Variants in VGLL2 observed in about 807,000 individuals in gnomAD.
VGLL2 encodes transcription cofactor vestigial-like protein 2.
Under a neutral mutation model 27.0 loss-of-function variants are expected in VGLL2, and 18 were observed. The observed-to-expected ratio is 0.67, with a 90% CI of 0.46 to 0.99. The LOEUF (loss-of-function observed/expected upper bound fraction) is 0.99, where lower values mean the gene tolerates loss of function less well. VGLL2 is among the 50% of genes least tolerant of loss of function. The probability of loss-of-function intolerance (pLI) is 0.00; values close to 1 mark genes in which losing one functional copy is unlikely to be tolerated. For synonymous variants in VGLL2, 220 were observed against 201.1 expected, an observed-to-expected ratio of 1.09 and a Z score of -0.80; for missense variants, 491 against 452.3, an observed-to-expected ratio of 1.09 and a Z score of -0.78.
rs551063658 is a variant in VGLL2, at chr6:117,270,793, C to A, written c.642C>A (p.Leu214=). Residue 214 remains leucine, a synonymous_variant, in exon 3 of 4, where the codon CTC becomes CTA. Transcript: ENST00000326274. ...ACCCCTACGCCCTGGGCGGCGCCCT[C>A]GGCGCCCAGGCCGCCCCCTACCCGC... The part of the protein sequence containing the change: ...PHHPYALGGA[L]GAQAAPYPRP... The A allele has an allele frequency of 1.4e-6, 2 of 1,443,734 alleles. No homozygotes were observed. Among genetic ancestry groups the A allele is most frequent in the African/African-American group, 1.5e-5 (1 of 67,286 alleles). The allele number at this position is 1,443,734 out of a possible 1,614,324, so 89.4% of individuals were successfully genotyped here. A position where few individuals can be genotyped will look rare whatever the true frequency, so the allele number is the denominator to read the frequency against.
Position 117,272,464 on chromosome 6 carries a change from T to TTCCCTCTGTGGTGCA in VGLL2, c.931_945dup (p.Cys311_Leu315dup). ...GATCTTGGTTTGCAGCTCGTCGTTA[T>TTCCCTCTGTGGTGCA]TCCCTCTGTGGTGCATCCCTCCTGA... On this transcript the variant is annotated inframe_insertion, in exon 4 of 4. Coordinates refer to ENST00000326274, the MANE Select transcript of VGLL2 (RefSeq NM_182645.3). 6.2e-7 allele frequency: 1 copy of TTCCCTCTGTGGTGCA among 1,614,190 alleles called. No individual in the cohort carries two copies. The highest frequency in any genetic ancestry group is 8.5e-7 in the Non-Finnish European group (1 of 1,180,028).
intron 1 of VGLL2, among the ~76,000 whole-genome samples, chr6:117,266,776 GGAAATT>G (rs1290948255): frequency 6.6e-6 from 1 of 152,120 alleles, no homozygotes; most frequent in Non-Finnish European, 1.5e-5. Flanking sequence ...CCTGCTTTGG[GGAAATT>G]GAAATACACC....
rs1554217540 is a variant in VGLL2, at chr6:117,271,327, A to AATAATAATAATAATAATG, written c.913+280_913+281insGATAATAATAATAATAAT. 4.4e-3 allele frequency among the ~76,000 whole-genome samples: 616 copies of AATAATAATAATAATAATG among 139,582 alleles called. 7 individuals are homozygous for AATAATAATAATAATAATG. The highest frequency in any genetic ancestry group is 0.016 in the African/African-American group (593 of 36,460). 91.6% of individuals were successfully genotyped at this position (139,582 alleles called of 152,430 possible). On this transcript the variant is annotated intron_variant, in intron 3 of 3. Coordinates refer to ENST00000326274, the MANE Select transcript of VGLL2 (RefSeq NM_182645.3). ...TAATAATAATAATAATAATAATGAT[A>AATAATAATAATAATAATG]ATAATAATAATAATAATAATAAAAT...
Position 117,270,623 on chromosome 6 carries a change from C to G in VGLL2, c.472C>G (p.Leu158Val). ...SAYQAPVPPP[L>V]GSPLATAHSE... Reference sequence around the variant, plus strand: ...GTACCAGGCGCCAGTGCCCCCGCCGCTGGGCAGCCCTCTGGCCACCGCGCA... The same window carrying G: ...GTACCAGGCGCCAGTGCCCCCGCCGGTGGGCAGCCCTCTGGCCACCGCGCA... Residue 158 changes from leucine (L) to valine (V), a missense_variant, in exon 3 of 4, where the codon CTG (leucine) becomes GTG (valine). By Grantham distance (32) the Leu-to-Val change is conservative. Coordinates refer to ENST00000326274, the MANE Select transcript of VGLL2 (RefSeq NM_182645.3). 1 of 1,591,354 alleles carries G rather than the reference C, an allele frequency of 6.3e-7. No homozygotes were observed. The highest frequency in any genetic ancestry group is 8.5e-7 in the Non-Finnish European group (1 of 1,173,570).
Position 117,265,608 on chromosome 6 carries a change from A to AGCGAGCCAGCTGGATT in VGLL2, c.-155_-140dup. ...AGTAAAATCGCAGGAGTGGGAGGGT[A>AGCGAGCCAGCTGGATT]GCGAGCCAGCTGGATTCCGAGCCGC... is the stretch of plus-strand genomic sequence containing the variant. On this transcript the variant is annotated 5_prime_UTR_variant, in exon 1 of 4. Transcript: ENST00000326274. 3.0e-6 allele frequency: 2 copies of AGCGAGCCAGCTGGATT among 657,252 alleles called. No individual in the cohort carries two copies. The highest frequency in any genetic ancestry group is 5.5e-6 in the Non-Finnish European group (2 of 366,546). The allele number at this position is 657,252 out of a possible 1,614,324, so 40.7% of individuals were successfully genotyped here.
rs1773114291 is a variant in VGLL2, at chr6:117,268,376, G to C, written c.276G>C (p.Gln92His). ...NSRCVLFTYF[Q>H]GDISSVVDEH... is the part of the protein sequence containing the mutation. The stretch of plus-strand genomic sequence containing the variant: ...GCTGCGTCCTCTTCACTTATTTCCA[G>C]GGGGACATCAGCTCCGTGGTGGATG... Residue 92 changes from glutamine to histidine, a missense_variant, in exon 2 of 4, where the codon CAG (glutamine) becomes CAC (histidine). Physicochemically the swap from Gln to His is conservative, Grantham distance 24. Transcript: ENST00000326274. The C allele has an allele frequency of 6.2e-7, 1 of 1,614,118 alleles. No homozygotes were observed. The highest frequency in any genetic ancestry group is 1.1e-5 in the South Asian group (1 of 91,076).
At position 117,271,047 on chromosome 6, in the gene VGLL2, G is replaced by T. The variant is rs1773185192; in HGVS notation, c.896G>T (p.Gly299Val). 8.1e-7 allele frequency: 1 copy of T among 1,228,762 alleles called. No individual in the cohort carries two copies. The highest frequency in any genetic ancestry group is 1.0e-6 in the Non-Finnish European group (1 of 987,232). 76.1% of individuals were successfully genotyped at this position (1,228,762 alleles called of 1,614,324 possible). Reference sequence around the variant, plus strand: ...TCGGGGGACGTGGCCCAGGGTCTGGGCCTCAGCGTGGACTCAGGTAAGCAG... The same window carrying T: ...TCGGGGGACGTGGCCCAGGGTCTGGTCCTCAGCGTGGACTCAGGTAAGCAG... ...SPSGDVAQGL[G>V]LSVDSARRYS... Residue 299 changes from glycine (G) to valine (V), a missense_variant, in exon 3 of 4, where the codon GGC becomes GTC. By Grantham distance (109) the Gly-to-Val change is moderately radical. Coordinates refer to ENST00000326274, the MANE Select transcript of VGLL2 (RefSeq NM_182645.3).
At position 117,270,789 on chromosome 6, in the gene VGLL2, C is replaced by T. The variant is rs773071077; in HGVS notation, c.638C>T (p.Ala213Val). 9.7e-6 allele frequency: 14 copies of T among 1,445,482 alleles called. No homozygotes were observed. The highest frequency in any genetic ancestry group is 5.2e-5 in the Admixed American group (2 of 38,408). 89.5% of individuals were successfully genotyped at this position (1,445,482 alleles called of 1,614,324 possible). Residue 213 changes from alanine to valine, a missense_variant, in exon 3 of 4, where the codon GCC (alanine) becomes GTC (valine). Physicochemically the swap from Ala to Val is moderately conservative, Grantham distance 64. Coordinates refer to ENST00000326274, the MANE Select transcript of VGLL2 (RefSeq NM_182645.3). ...CATCACCCCTACGCCCTGGGCGGCG[C>T]CCTCGGCGCCCAGGCCGCCCCCTAC... ...HPHHPYALGGALGAQAAPYPR... is the reference protein window; with the variant it reads ...HPHHPYALGGVLGAQAAPYPR...
chr6:117,265,864 A>C lies in VGLL2; in HGVS notation c.81+20A>C. ...CACCAGGTACGTGTCTCCTCTGGGGACTTTGGGAAGGAGTGCGCGCCCCCC... is the reference window on the plus strand; with the variant it reads ...CACCAGGTACGTGTCTCCTCTGGGGCCTTTGGGAAGGAGTGCGCGCCCCCC... On this transcript the variant is annotated intron_variant, in intron 1 of 3. Transcript: ENST00000326274. The C allele has an allele frequency of 6.2e-7, 1 of 1,611,302 alleles. No individual in the cohort carries two copies. The highest frequency in any genetic ancestry group is 8.5e-7 in the Non-Finnish European group (1 of 1,177,652).
rs569532492 is a variant in VGLL2, at chr6:117,271,681, A to C, written c.913+617A>C. On this transcript the variant is annotated intron_variant, in intron 3 of 3. Coordinates refer to ENST00000326274, the MANE Select transcript of VGLL2 (RefSeq NM_182645.3). ...ATTGTATTTCTATTGGACAGCGGTG[A>C]TCTAGAGTAGCTGCTGAGAGTACAA... is the stretch of plus-strand genomic sequence containing the variant. 1.1e-3 allele frequency among the ~76,000 whole-genome samples: 165 copies of C among 152,284 alleles called. 1 individual carries two copies. Among genetic ancestry groups the C allele is most frequent in the African/African-American group, 3.9e-3 (163 of 41,570 alleles).
intron 2 of VGLL2, 138 bp from the exon 3 acceptor site, chr6:117,270,405 C>G: frequency 8.7e-7 from 1 of 1,151,066 alleles, no homozygotes; most frequent in South Asian, 1.7e-5. Context: ...CCATCAGCCC[C>G]GGCCATGGCT....
At chr6:117,267,134 T>C (rs1773083573) in intron 1 of VGLL2, among the ~76,000 whole-genome samples, 3 of 152,104 alleles carry the variant, frequency 2.0e-5, no homozygotes, top group South Asian at 2.1e-4. Context: ...GAGAGGTGGA[T>C]TGGTTTTCTG....
Sources: allele counts gnomAD v4.1 joint callset (sites outside exome capture counted in the v4.1 genomes callset), GRCh38; gene constraint gnomAD v4.1.1; transcripts MANE v1.5; gene names NCBI Gene and HGNC (gene_info 2026-07-23, HGNC 2026-07-21).